RORA: variants seen among roughly 807,000 people sequenced by gnomAD.
RORA encodes the protein nuclear receptor ROR-alpha.
RORA carries 7 observed loss-of-function variants against 69.5 expected under a neutral mutation model. The observed-to-expected ratio is 0.10, with a 90% CI of 0.06 to 0.19. The LOEUF is 0.19. RORA is among the 10% of genes least tolerant of loss of function. RORA has a pLI of 1.00. For missense variants in RORA, 457 were observed against 663.0 expected (o/e 0.69, Z 3.41); for synonymous variants, 261 against 240.8 (o/e 1.08, Z -0.78).
chr15:61,069,486 C>T (rs945736086), intron 1 of RORA, among the ~76,000 whole-genome samples: 6 of 152,114 alleles, frequency 3.9e-5, no homozygotes, highest in African/African-American at 1.4e-4. Context: ...GCATAGGATG[C>T]AGCGTCCAGG....
At position 60,857,293 on chromosome 15, in the gene RORA, G is replaced by A. The variant is rs529938586; in HGVS notation, c.167-178607C>T. Among the ~76,000 whole-genome samples, 6 of 152,178 alleles carry A rather than the reference G, an allele frequency of 3.9e-5. No homozygotes were observed. In the East Asian group the frequency reaches 1.2e-3, roughly 29 times the overall value. ...TTCCCAGGGCTTGAAGAGAAACAAT[G>A]AACAGAGATCTGAACCCCAGGGGGA... is the stretch of plus-strand genomic sequence containing the variant. On this transcript the variant is annotated intron_variant, in intron 1 of 10. Coordinates refer to ENST00000335670, the MANE Select transcript of RORA (RefSeq NM_134261.3).
At chr15:60,801,898 T>C (rs2072587496) in intron 1 of RORA, among the ~76,000 whole-genome samples, 1 of 152,218 alleles carries the variant, frequency 6.6e-6, no homozygotes, top group Non-Finnish European at 1.5e-5. Flanking sequence ...TAAGAAGCTG[T>C]TTTCACATAT....
intron 1 of RORA, among the ~76,000 whole-genome samples, chr15:60,683,441 A>G (rs879217442): frequency 1.9e-4 from 29 of 152,156 alleles, no homozygotes; most frequent in Admixed American, 1.2e-3. Flanking sequence ...AAGAAATCCA[A>G]TGTGGCTCAT....
At chr15:61,032,001 T>C (rs12592352) in intron 1 of RORA, among the ~76,000 whole-genome samples, 14,063 of 152,240 alleles carry the variant, frequency 0.092, 703 homozygotes, top group African/African-American at 0.14. Context: ...GATTACCTGA[T>C]AGGGTTTGTC....
In RORA at chr15:60,666,619, G is replaced by C. The variant is rs185244329; in HGVS notation, c.196+12038C>G. Among the ~76,000 whole-genome samples, 528 of 152,300 alleles carry C rather than the reference G, an allele frequency of 3.5e-3. 4 individuals are homozygous for C. The highest frequency in any genetic ancestry group is 0.012 in the African/African-American group (514 of 41,552). ...ACAAGGTGGAATTGGAGAAGGCTTTGCACGGCAGATGCTACTTGTGTTGGC... is the reference window on the plus strand; with the variant it reads ...ACAAGGTGGAATTGGAGAAGGCTTTCCACGGCAGATGCTACTTGTGTTGGC... On this transcript the variant is annotated intron_variant, in intron 2 of 10. Transcript: ENST00000335670.
chr15:60,535,698 AAAAAAT>A (rs1483676613), intron 2 of RORA, among the ~76,000 whole-genome samples: 1 of 152,216 alleles, frequency 6.6e-6, no homozygotes, highest in African/African-American at 2.4e-5. Flanking sequence ...CAAAGAATTA[AAAAAAT>A]AAAAATTGTA....
At chr15:61,004,965 A>G (rs1228088329) in intron 1 of RORA, among the ~76,000 whole-genome samples, 1 of 152,232 alleles carries the variant, frequency 6.6e-6, no homozygotes, top group African/African-American at 2.4e-5. Context: ...AATAGAAATG[A>G]GTAGTCTTTC....
At chr15:61,065,991 G>A (rs776202960) in intron 1 of RORA, among the ~76,000 whole-genome samples, 6 of 152,194 alleles carry the variant, frequency 3.9e-5, no homozygotes, top group Non-Finnish European at 8.8e-5. Flanking sequence ...GCCAACAACT[G>A]AATCCCATGC....
chr15:60,756,465 A>G (rs376144994), intron 1 of RORA, among the ~76,000 whole-genome samples: 16 of 152,236 alleles, frequency 1.1e-4, no homozygotes, highest in South Asian at 4.1e-4. Context: ...TGATAACTTT[A>G]TAAATATATG....
intron 1 of RORA, among the ~76,000 whole-genome samples, chr15:60,837,434 T>C (rs1238055607): frequency 2.0e-5 from 3 of 152,192 alleles, no homozygotes; most frequent in Admixed American, 1.3e-4. Context: ...TGCACATATA[T>C]CAATCAATGC....
rs201686980 is a variant in RORA, at chr15:60,865,994, AAT to A, written c.167-187310_167-187309del. 3.7e-3 allele frequency among the ~76,000 whole-genome samples: 517 copies of A among 138,240 alleles called. 4 individuals carry two copies. Among genetic ancestry groups the A allele is most frequent in the African/African-American group, 0.012 (456 of 38,004 alleles). 90.7% of individuals were successfully genotyped at this position (138,240 alleles called of 152,430 possible). A position where few individuals can be genotyped will look rare whatever the true frequency, so the allele number is the denominator to read the frequency against. On this transcript the variant is annotated intron_variant, in intron 1 of 10. Transcript: ENST00000335670. ...ATGTGATATTTTGATACAAACATAC[AAT>A]ATATAGTGATCAAAATGCATCACCC...
chr15:60,722,707 G>T (rs973059913), intron 1 of RORA, among the ~76,000 whole-genome samples: 1 of 152,158 alleles, frequency 6.6e-6, no homozygotes, highest in African/African-American at 2.4e-5. Flanking sequence ...GCTGGACTCT[G>T]CTTATTCCTG....
rs551823377 is a variant in RORA, at chr15:60,997,925, T to C, written c.166+231128A>G. Among the ~76,000 whole-genome samples the C allele has an allele frequency of 7.1e-4, 108 of 152,320 alleles. 3 individuals are homozygous for C. In the South Asian group the frequency reaches 0.02, roughly 28 times the overall value. On this transcript the variant is annotated intron_variant, in intron 1 of 10. Transcript: ENST00000335670. ...ATTAGGCTTAATCAAAACATAATAC[T>C]CTTGTTTATGTCTTCAACACATTGT...
At chr15:60,612,670 T>C (rs1210829035) in intron 2 of RORA, among the ~76,000 whole-genome samples, 1 of 117,044 alleles carries the variant, frequency 8.5e-6, no homozygotes, top group African/African-American at 5.0e-5. Flanking sequence ...TGTTTTTTTT[T>C]TTTTTTTTTT....
chr15:61,012,568 G>T (rs1420308580), intron 1 of RORA, among the ~76,000 whole-genome samples: 1 of 152,148 alleles, frequency 6.6e-6, no homozygotes, highest in Non-Finnish European at 1.5e-5. Context: ...TTTAATAATA[G>T]ACTTGTAGGT....
chr15:60,833,417 C>T (rs341394), intron 1 of RORA, among the ~76,000 whole-genome samples: 131,153 of 151,962 alleles, frequency 0.86, 56,725 homozygotes, highest in East Asian at 0.95. Flanking sequence ...GGTTTCACCA[C>T]GTTGACCAGG....
At chr15:60,861,592 G>A (rs1452954389) in intron 1 of RORA, among the ~76,000 whole-genome samples, 1 of 152,184 alleles carries the variant, frequency 6.6e-6, no homozygotes, top group Non-Finnish European at 1.5e-5. Context: ...GGGCTCAAGT[G>A]ATCTCTCTGC....
At chr15:61,219,243 T>C (rs551469977) in intron 1 of RORA, among the ~76,000 whole-genome samples, 14 of 152,336 alleles carry the variant, frequency 9.2e-5, no homozygotes, top group Middle Eastern at 3.4e-3. Flanking sequence ...TTGTACATAA[T>C]CTACTGCCTA....
intron 1 of RORA, among the ~76,000 whole-genome samples, chr15:60,955,348 A>G (rs1027580785): frequency 3.3e-5 from 5 of 152,216 alleles, no homozygotes; most frequent in Admixed American, 1.3e-4. Context: ...TGTGTTATTC[A>G]AGATTGCTGG....
Sources: allele counts gnomAD v4.1 joint callset (sites outside exome capture counted in the v4.1 genomes callset), GRCh38; gene constraint gnomAD v4.1.1; transcripts MANE v1.5; gene names NCBI Gene and HGNC (gene_info 2026-07-23, HGNC 2026-07-21).